SLC44A1: variants seen among roughly 807,000 people sequenced by gnomAD.
SLC44A1 encodes solute carrier family 44 member 1, also known as choline transporter-like protein 1.
In SLC44A1, 26 loss-of-function variants were observed where a neutral mutation model predicts 79.3. That is an observed-to-expected ratio of 0.33 (90% CI 0.24 to 0.46). The LOEUF is 0.46. Among genes scored for constraint, SLC44A1 ranks in the 20% least tolerant of loss-of-function variants. SLC44A1 has a pLI of 1.00. For synonymous variants in SLC44A1, 263 were observed against 286.2 expected, an observed-to-expected ratio of 0.92 and a Z score of 0.82; for missense variants, 688 against 798.1, an observed-to-expected ratio of 0.86 and a Z score of 1.66.
intron 15 of SLC44A1, among the ~76,000 whole-genome samples, chr9:105,416,522 TA>T: frequency 6.6e-6 from 1 of 152,144 alleles, no homozygotes. Context: ...AATTGAGGCC[TA>T]GGGGAAAAGT....
At chr9:105,379,811 C>T (rs1172167563) in intron 13 of SLC44A1, among the ~76,000 whole-genome samples, 1 of 152,112 alleles carries the variant, frequency 6.6e-6, no homozygotes, top group Non-Finnish European at 1.5e-5. Flanking sequence ...TCCCAAAACC[C>T]CTCAATCTCA....
intron 4 of SLC44A1, among the ~76,000 whole-genome samples, chr9:105,335,925 A>C (rs1315520939): frequency 6.6e-6 from 1 of 152,168 alleles, no homozygotes; most frequent in Non-Finnish European, 1.5e-5. Context: ...TGTGCTCTGG[A>C]AGTTAGTATT....
intron 15 of SLC44A1, among the ~76,000 whole-genome samples, chr9:105,406,959 C>G (rs1184462119): frequency 6.6e-6 from 1 of 151,952 alleles, no homozygotes; most frequent in East Asian, 1.9e-4. Flanking sequence ...AATAGAAAAC[C>G]TGGAGTTGAA....
rs1285281012 is a variant in SLC44A1, at chr9:105,361,339, A to G, written c.900+9A>G. The stretch of plus-strand genomic sequence containing the variant: ...CAGCTACAGTGTTCACAGTGAGTTT[A>G]GGCTTTGGCGTGTCTTTCGGTTTTG... On this transcript the variant is annotated intron_variant, in intron 8 of 15. Coordinates refer to ENST00000374720, the MANE Select transcript of SLC44A1 (RefSeq NM_080546.5). The G allele has an allele frequency of 1.3e-6, 2 of 1,582,706 alleles. No individual in the cohort carries two copies. The highest frequency in any genetic ancestry group is 1.7e-6 in the Non-Finnish European group (2 of 1,166,848).
chr9:105,342,908 G>A (rs1827140723), intron 4 of SLC44A1, among the ~76,000 whole-genome samples: 1 of 151,782 alleles, frequency 6.6e-6, no homozygotes, highest in African/African-American at 2.4e-5. Context: ...GAGAGGCCAA[G>A]GCGGGAGGAT....
intron 1 of SLC44A1, among the ~76,000 whole-genome samples, chr9:105,278,244 T>C (rs1830258558): frequency 6.8e-6 from 1 of 147,700 alleles, no homozygotes. Flanking sequence ...TTTCTTTTTC[T>C]ATTTATTTAT....
chr9:105,426,597 G>A (rs571826928), intron 15 of SLC44A1, among the ~76,000 whole-genome samples: 1 of 152,296 alleles, frequency 6.6e-6, no homozygotes, highest in African/African-American at 2.4e-5. Flanking sequence ...CTCATGCAGA[G>A]TAGATGTATT....
chr9:105,348,472 G>T (rs773697834), intron 5 of SLC44A1, 21 bp downstream of exon 5: 8 of 1,402,336 alleles, frequency 5.7e-6, no homozygotes, highest in Non-Finnish European at 8.1e-6. Context: ...TTGCAAAGTT[G>T]TTAACTTGTG....
At chr9:105,280,201 ATT>A in intron 1 of SLC44A1, among the ~76,000 whole-genome samples, 1 of 152,346 alleles carries the variant, frequency 6.6e-6, no homozygotes, top group African/African-American at 2.4e-5. Context: ...TAATATCAAA[ATT>A]AAAAAATAGT....
At chr9:105,428,442 A>G (rs1488374593) in intron 15 of SLC44A1, among the ~76,000 whole-genome samples, 1 of 152,184 alleles carries the variant, frequency 6.6e-6, no homozygotes, top group Non-Finnish European at 1.5e-5. Context: ...ATATTCTAAG[A>G]AGTATAGTTG....
intron 2 of SLC44A1, among the ~76,000 whole-genome samples, chr9:105,302,425 T>TC (rs2131294335): frequency 6.6e-6 from 1 of 152,062 alleles, no homozygotes; most frequent in South Asian, 2.1e-4. Flanking sequence ...CGATCTTGGC[T>TC]CACTGCAACC....
chr9:105,286,009 G>A (rs1218729708), intron 1 of SLC44A1, among the ~76,000 whole-genome samples: 1 of 152,174 alleles, frequency 6.6e-6, no homozygotes, highest in African/African-American at 2.4e-5. Flanking sequence ...GCTGAGATGG[G>A]AGAATCACTT....
At chr9:105,348,122 CTTATTG>C (rs1564450312) in intron 4 of SLC44A1, among the ~76,000 whole-genome samples, 1 of 151,910 alleles carries the variant, frequency 6.6e-6, no homozygotes, top group Non-Finnish European at 1.5e-5. Context: ...AGTTCTAGTA[CTTATTG>C]TTATTACCTT....
rs190481221 is a variant in SLC44A1, at chr9:105,396,510, G to A, written c.*7454G>A. On this transcript the variant is annotated 3_prime_UTR_variant, in exon 16 of 16. Coordinates refer to ENST00000374720, the MANE Select transcript of SLC44A1 (RefSeq NM_080546.5). ...AATAGAGCTCCTAGAATAATAAGGCGGCCAAATTTAAAGATCAGTCAATAC... is the reference window on the plus strand; with the variant it reads ...AATAGAGCTCCTAGAATAATAAGGCAGCCAAATTTAAAGATCAGTCAATAC... 38 of 985,300 alleles carry A rather than the reference G, an allele frequency of 3.9e-5. No homozygotes were observed. In the African/African-American group the frequency reaches 4.0e-4, roughly 10 times the overall value. The allele number at this position is 985,300 out of a possible 1,614,324, so 61.0% of individuals were successfully genotyped here.
At chr9:105,387,215 C>A (rs1327883605) in intron 15 of SLC44A1, among the ~76,000 whole-genome samples, 1 of 151,164 alleles carries the variant, frequency 6.6e-6, no homozygotes, top group African/African-American at 2.4e-5. Flanking sequence ...GATATAAAAC[C>A]TTTCCTCTGT....
At chr9:105,416,003 G>A (rs897495421) in intron 15 of SLC44A1, among the ~76,000 whole-genome samples, 2 of 149,644 alleles carry the variant, frequency 1.3e-5, no homozygotes, top group Admixed American at 1.4e-4. Flanking sequence ...CCGGGTTCCA[G>A]CGATTCTCCT....
At chr9:105,376,803 C>A (rs1007903237) in intron 13 of SLC44A1, among the ~76,000 whole-genome samples, 1 of 152,172 alleles carries the variant, frequency 6.6e-6, no homozygotes, top group African/African-American at 2.4e-5. Context: ...GAGTGAAGGG[C>A]TTTTGTTAAG....
At chr9:105,266,678 A>G (rs1338110957) in intron 1 of SLC44A1, among the ~76,000 whole-genome samples, 1 of 152,210 alleles carries the variant, frequency 6.6e-6, no homozygotes, top group Non-Finnish European at 1.5e-5. Flanking sequence ...CTGTCTTAAT[A>G]CTAGTACTGT....
chr9:105,326,629 C>T (rs568724043), intron 3 of SLC44A1, among the ~76,000 whole-genome samples: 9 of 152,086 alleles, frequency 5.9e-5, no homozygotes, highest in African/African-American at 2.2e-4. Context: ...ACAATCTATT[C>T]GAAACTATGA....
Sources: gnomAD v4.1 joint callset for allele counts (sites outside exome capture counted in the v4.1 genomes callset) on GRCh38, gnomAD v4.1.1 for gene constraint, MANE v1.5 for transcripts, NCBI Gene and HGNC (gene_info 2026-07-23, HGNC 2026-07-21) for gene names.